The following ADAMTS12 variants were observed in gnomAD, a reference collection of about 807,000 sequenced individuals.
ADAMTS12 encodes the protein ADAM metallopeptidase with thrombospondin type 1 motif 12, also known as A disintegrin and metalloproteinase with thrombospondin motifs 12.
Under a neutral mutation model 167.8 loss-of-function variants are expected in ADAMTS12, and 118 were observed. That is an observed-to-expected ratio of 0.70 (90% CI 0.61 to 0.82). The LOEUF is 0.82. Ranked by LOEUF, ADAMTS12 falls within the 40% of genes least tolerant of loss-of-function variation. The pLI is 0.00. For synonymous variants in ADAMTS12, 704 were observed against 716.9 expected (o/e 0.98, Z 0.29); for missense variants, 1,916 against 1,998.8 (o/e 0.96, Z 0.79).
At chr5:33,787,846 A>G (rs1746384989) in intron 2 of ADAMTS12, among the ~76,000 whole-genome samples, 1 of 152,128 alleles carries the variant, frequency 6.6e-6, no homozygotes, top group African/African-American at 2.4e-5. Context: ...GTAAAGCACG[A>G]TAGGAAATGG....
intron 2 of ADAMTS12, among the ~76,000 whole-genome samples, chr5:33,812,828 G>A (rs1747510789): frequency 1.3e-5 from 2 of 152,160 alleles, no homozygotes; most frequent in South Asian, 4.1e-4. Context: ...CTGCTGCCAT[G>A]AGCTCTCTTG....
intron 2 of ADAMTS12, among the ~76,000 whole-genome samples, chr5:33,841,766 C>T (rs1022704566): frequency 6.6e-6 from 1 of 152,212 alleles, no homozygotes; most frequent in Admixed American, 6.6e-5. Flanking sequence ...TTCCTGACAA[C>T]GCAATGCAAG....
chr5:33,758,072 G>A (rs912802443), intron 2 of ADAMTS12, among the ~76,000 whole-genome samples: 1 of 152,168 alleles, frequency 6.6e-6, no homozygotes, highest in African/African-American at 2.4e-5. Context: ...ATTAAAGGAT[G>A]TCATGTGTAT....
At chr5:33,824,741 C>T (rs1039845641) in intron 2 of ADAMTS12, among the ~76,000 whole-genome samples, 2 of 152,156 alleles carry the variant, frequency 1.3e-5, no homozygotes, top group African/African-American at 4.8e-5. Context: ...TGTTCACCTT[C>T]CCATTTCCTC....
intron 3 of ADAMTS12, among the ~76,000 whole-genome samples, chr5:33,740,366 T>A (rs546140787): frequency 6.6e-6 from 1 of 152,176 alleles, no homozygotes; most frequent in Non-Finnish European, 1.5e-5. Flanking sequence ...GCCAGCTACA[T>A]AATTTGTAGA....
At chr5:33,582,988 C>T (rs1747147735) in intron 18 of ADAMTS12, among the ~76,000 whole-genome samples, 1 of 152,290 alleles carries the variant, frequency 6.6e-6, no homozygotes, top group Non-Finnish European at 1.5e-5. Context: ...GAGTTACAAA[C>T]AATCTAATTA....
At chr5:33,556,589 G>A (rs1363520295) in intron 20 of ADAMTS12, among the ~76,000 whole-genome samples, 1 of 152,160 alleles carries the variant, frequency 6.6e-6, no homozygotes, top group Non-Finnish European at 1.5e-5. Context: ...TCACAGTCAT[G>A]GAGCCATAAC....
intron 2 of ADAMTS12, among the ~76,000 whole-genome samples, chr5:33,818,705 G>A (rs1302345666): frequency 6.6e-6 from 1 of 151,982 alleles, no homozygotes; most frequent in African/African-American, 2.4e-5. Context: ...TCCACCAATG[G>A]TGTACTAGGG....
chr5:33,849,908 A>T (rs1375511901), intron 2 of ADAMTS12, among the ~76,000 whole-genome samples: 1 of 151,946 alleles, frequency 6.6e-6, no homozygotes. Flanking sequence ...TATTACCTAC[A>T]TATAGATAGC....
At chr5:33,659,929 C>T (rs922936604) in intron 6 of ADAMTS12, among the ~76,000 whole-genome samples, 2 of 152,190 alleles carry the variant, frequency 1.3e-5, no homozygotes, top group African/African-American at 4.8e-5. Flanking sequence ...TCTTCACCCC[C>T]TCCTAAGGGA....
intron 7 of ADAMTS12, among the ~76,000 whole-genome samples, chr5:33,653,174 T>C (rs1361970969): frequency 6.6e-6 from 1 of 152,104 alleles, no homozygotes; most frequent in African/African-American, 2.4e-5. Flanking sequence ...GAAGATGTTC[T>C]TTATCAAGTT....
intron 13 of ADAMTS12, among the ~76,000 whole-genome samples, chr5:33,627,398 C>A (rs1275579812): frequency 7.3e-6 from 1 of 137,640 alleles, no homozygotes; most frequent in Non-Finnish European, 1.6e-5. Flanking sequence ...GTAGTGGTGG[C>A]GATGATGTAG....
At chr5:33,864,519 C>T (rs1237950112) in intron 2 of ADAMTS12, among the ~76,000 whole-genome samples, 1 of 152,162 alleles carries the variant, frequency 6.6e-6, no homozygotes, top group African/African-American at 2.4e-5. Flanking sequence ...AATCATTGTA[C>T]TATAAAGACA....
intron 2 of ADAMTS12, among the ~76,000 whole-genome samples, chr5:33,865,864 C>T (rs561573177): frequency 1.7e-4 from 26 of 152,062 alleles, no homozygotes; most frequent in African/African-American, 4.8e-4. Flanking sequence ...CTTTAACAAT[C>T]GCTACAAAAG....
intron 5 of ADAMTS12, among the ~76,000 whole-genome samples, chr5:33,681,876 A>G (rs1029927898): frequency 1.6e-4 from 24 of 152,214 alleles, no homozygotes; most frequent in Non-Finnish European, 5.9e-5. Context: ...TGGAGGAAAG[A>G]TCATGAAAGT....
intron 3 of ADAMTS12, among the ~76,000 whole-genome samples, chr5:33,697,577 C>CTT (rs5867205): frequency 6.6e-6 from 1 of 151,634 alleles, no homozygotes; most frequent in South Asian, 2.1e-4. Context: ...CCTTTTTCTC[C>CTT]TTTTCTTCCT....
At chr5:33,854,691 A>T (rs1419268708) in intron 2 of ADAMTS12, among the ~76,000 whole-genome samples, 1 of 152,238 alleles carries the variant, frequency 6.6e-6, no homozygotes, top group Non-Finnish European at 1.5e-5. Flanking sequence ...ACTGAAAAGT[A>T]AGCAGAAAGA....
chr5:33,555,912 C>CTGGG (rs1745469597), intron 20 of ADAMTS12, among the ~76,000 whole-genome samples: 1 of 152,180 alleles, frequency 6.6e-6, no homozygotes, highest in Admixed American at 6.5e-5. Flanking sequence ...CTGTGTAGTA[C>CTGGG]TGGGGAGTGA....
intron 7 of ADAMTS12, 81 bp from the exon 8 acceptor site, chr5:33,649,778 G>A (rs186061213): frequency 1.7e-5 from 26 of 1,540,732 alleles, no homozygotes; most frequent in Middle Eastern, 3.5e-4. Context: ...CCCTAAGAGC[G>A]TAATAACTCA....
Sources: gnomAD v4.1 joint callset for allele counts (sites outside exome capture counted in the v4.1 genomes callset) on GRCh38, gnomAD v4.1.1 for gene constraint, MANE v1.5 for transcripts, NCBI Gene and HGNC (gene_info 2026-07-23, HGNC 2026-07-21) for gene names.